The following ZNF518A variants were observed in gnomAD, a reference collection of about 807,000 sequenced individuals.
ZNF518A encodes zinc finger protein 518A.
Under a neutral mutation model 102.7 loss-of-function variants are expected in ZNF518A, and 47 were observed. That is an observed-to-expected ratio of 0.46 (90% confidence interval 0.36 to 0.58). The LOEUF (loss-of-function observed/expected upper bound fraction) is 0.58. Among genes scored for constraint, ZNF518A ranks in the 20% least tolerant of loss-of-function variants. The probability of loss-of-function intolerance (pLI) is 0.00; values close to 1 mark genes in which losing one functional copy is unlikely to be tolerated. For missense variants in ZNF518A, 1,793 were observed against 1,699.8 expected (o/e 1.05, Z -0.96); for synonymous variants, 652 against 594.6 (o/e 1.10, Z -1.40).
chr10:96,167,772 C>T (rs2083150919), downstream of ZNF518A, among the ~76,000 whole-genome samples: 1 of 152,056 alleles, frequency 6.6e-6, no homozygotes, highest in African/African-American at 2.4e-5. Context: ...GATCATAGAC[C>T]TAAATACAAG....
chr10:96,178,000 G>A (rs140428448), intron 1 of ZNF518A, among the ~76,000 whole-genome samples: 15 of 152,214 alleles, frequency 9.9e-5, no homozygotes, highest in African/African-American at 3.1e-4. Flanking sequence ...ACTATAGAGA[G>A]AAATTGACAA....
intron 3 of ZNF518A, among the ~76,000 whole-genome samples, chr10:96,147,976 G>A (rs11593049): frequency 0.37 from 56,354 of 151,658 alleles, 11,830 homozygotes; most frequent in Middle Eastern, 0.55. Context: ...TTTCATCTCT[G>A]TGTTTTGTTT....
chr10:96,143,054 C>T (rs1478884085), intron 3 of ZNF518A, among the ~76,000 whole-genome samples: 1 of 152,124 alleles, frequency 6.6e-6, no homozygotes, highest in African/African-American at 2.4e-5. Context: ...GTGATCCGCC[C>T]GCTTTGGCCT....
intron 1 of ZNF518A, among the ~76,000 whole-genome samples, chr10:96,179,758 T>C (rs1349362115): frequency 6.7e-6 from 1 of 150,132 alleles, no homozygotes; most frequent in Non-Finnish European, 1.5e-5. Context: ...TTACAATTCT[T>C]CTTCTTCTTC....
chr10:96,150,712 T>TC (rs1465953229), intron 3 of ZNF518A, among the ~76,000 whole-genome samples: 1 of 148,706 alleles, frequency 6.7e-6, no homozygotes, highest in African/African-American at 2.5e-5. Flanking sequence ...AGTTTTCTTT[T>TC]TTTTTTTATT....
chr10:96,156,235 T>C lies in ZNF518A; in HGVS notation c.-88T>C. 7.5e-7 allele frequency: 1 copy of C among 1,338,742 alleles called. No homozygotes were observed. The highest frequency in any genetic ancestry group is 1.0e-6 in the Non-Finnish European group (1 of 992,716). The allele number at this position is 1,338,742 out of a possible 1,614,324, so 82.9% of individuals were successfully genotyped here. A position where few individuals can be genotyped will look rare whatever the true frequency, so the allele number is the denominator to read the frequency against. Reference sequence around the variant, plus strand: ...GGAAAAATCCTGTATATTGAAGATGTCTCTACACAGTATCGTTTCCTGTTT... The same window carrying C: ...GGAAAAATCCTGTATATTGAAGATGCCTCTACACAGTATCGTTTCCTGTTT... On this transcript the variant is annotated 5_prime_UTR_variant, in exon 6 of 6. Coordinates refer to ENST00000316045, the MANE Select transcript of ZNF518A (RefSeq NM_001330736.2).
chr10:96,202,820 C>T (rs986739566), intron 1 of ZNF518A, among the ~76,000 whole-genome samples: 5 of 152,146 alleles, frequency 3.3e-5, no homozygotes, highest in Admixed American at 2.0e-4. Flanking sequence ...TTCTGACACC[C>T]GAATGTGCTA....
intron 3 of ZNF518A, among the ~76,000 whole-genome samples, chr10:96,134,219 C>T (rs2081485184): frequency 6.6e-6 from 1 of 152,024 alleles, no homozygotes; most frequent in Non-Finnish European, 1.5e-5. Context: ...TGGTTCCAAG[C>T]TTTTTTGTTT....
chr10:96,144,932 A>G (rs1388086286), intron 3 of ZNF518A, among the ~76,000 whole-genome samples: 1 of 152,222 alleles, frequency 6.6e-6, no homozygotes, highest in Non-Finnish European at 1.5e-5. Flanking sequence ...ATTTCTTTGT[A>G]TAGCATATAG....
downstream of ZNF518A, among the ~76,000 whole-genome samples, chr10:96,167,286 C>T (rs2133879390): frequency 6.6e-6 from 1 of 152,120 alleles, no homozygotes; most frequent in East Asian, 1.9e-4. Context: ...AATGGTGAAA[C>T]CCCGTCTCTA....
chr10:96,198,950 C>T (rs1007760169), intron 1 of ZNF518A, among the ~76,000 whole-genome samples: 1 of 152,212 alleles, frequency 6.6e-6, no homozygotes, highest in African/African-American at 2.4e-5. Flanking sequence ...CCACTCACCT[C>T]GGCCCCCCAA....
In ZNF518A at chr10:96,159,243, A is replaced by G. The variant is rs781904810; in HGVS notation, c.2921A>G (p.Lys974Arg). 1 of 1,613,586 alleles carries G rather than the reference A, an allele frequency of 6.2e-7. No homozygotes were observed. The highest frequency in any genetic ancestry group is 8.5e-7 in the Non-Finnish European group (1 of 1,179,724). Residue 974 changes from lysine to arginine, a missense_variant, in exon 6 of 6, where the codon AAG (lysine) becomes AGG (arginine). Transcript: ENST00000316045. ...QGIPASLFVN[K>R]KPGMVLTLNN... ...ATCCCTGCTTCTCTTTTTGTAAACA[A>G]GAAACCTGGGATGGTTTTAACACTT...
At chr10:96,187,100 A>G (rs782679682) in intron 1 of ZNF518A, among the ~76,000 whole-genome samples, 6 of 152,228 alleles carry the variant, frequency 3.9e-5, no homozygotes, top group Non-Finnish European at 7.3e-5. Context: ...TTTTGTAACT[A>G]CTAAAAGATT....
At chr10:96,171,072 C>T (rs1169330935) in intron 1 of ZNF518A, among the ~76,000 whole-genome samples, 1 of 151,572 alleles carries the variant, frequency 6.6e-6, no homozygotes, top group African/African-American at 2.4e-5. Flanking sequence ...TTGGAACCCT[C>T]ATACACTGTT....
At chr10:96,139,446 A>G (rs1251762265) in intron 3 of ZNF518A, among the ~76,000 whole-genome samples, 2 of 152,150 alleles carry the variant, frequency 1.3e-5, no homozygotes, top group Non-Finnish European at 2.9e-5. Flanking sequence ...GAGACCCCAG[A>G]GGGCTCTATT....
In ZNF518A at chr10:96,156,877, G is replaced by A. The variant is rs1554882825; in HGVS notation, c.555G>A (p.Glu185=). The change falls in exon 6 of 6, where the codon GAG becomes GAA. Residue 185 remains glutamate, a synonymous_variant. Coordinates refer to ENST00000316045, the MANE Select transcript of ZNF518A (RefSeq NM_001330736.2). ...TLVKCDICNN[E]SVYTLLNLTK... is the part of the protein sequence containing the mutation. ...TAAAATGTGACATTTGTAACAATGA[G>A]AGTGTATATACTTTACTGAACTTGA... is the stretch of plus-strand genomic sequence containing the variant. 1 of 1,613,722 alleles carries A rather than the reference G, an allele frequency of 6.2e-7. No individual in the cohort carries two copies. Among genetic ancestry groups the A allele is most frequent in the South Asian group, 1.1e-5 (1 of 91,066 alleles).
chr10:96,150,395 T>C (rs899090287), intron 3 of ZNF518A, among the ~76,000 whole-genome samples: 2 of 151,960 alleles, frequency 1.3e-5, no homozygotes, highest in Non-Finnish European at 2.9e-5. Context: ...AAAATCCCTT[T>C]TTTTAGGTAA....
chr10:96,182,253 TA>T (rs2133893725), intron 1 of ZNF518A, among the ~76,000 whole-genome samples: 1 of 152,344 alleles, frequency 6.6e-6, no homozygotes, highest in East Asian at 1.9e-4. Context: ...GTTTTCTAGA[TA>T]TACAATAATG....
chr10:96,146,954 C>T (rs1375229464), intron 3 of ZNF518A, among the ~76,000 whole-genome samples: 1 of 152,178 alleles, frequency 6.6e-6, no homozygotes, highest in Non-Finnish European at 1.5e-5. Context: ...TTTAGCTTCT[C>T]TGGAGTTTAT....
Sources: gnomAD v4.1 joint callset for allele counts (sites outside exome capture counted in the v4.1 genomes callset) on GRCh38, gnomAD v4.1.1 for gene constraint, MANE v1.5 for transcripts, NCBI Gene and HGNC (gene_info 2026-07-23, HGNC 2026-07-21) for gene names.